Variants in KATNBL1 observed in about 807,000 individuals in gnomAD.
KATNBL1 encodes KATNB1-like protein 1.
A neutral mutation model predicts 44.7 loss-of-function variants in KATNBL1; 28 were observed. That is an observed-to-expected ratio of 0.63 (90% confidence interval 0.46 to 0.86). The LOEUF is 0.86. Ranked by LOEUF, KATNBL1 falls within the 40% of genes least tolerant of loss-of-function variation. KATNBL1 has a pLI of 0.00. For synonymous variants in KATNBL1, 78 were observed against 114.9 expected (o/e 0.68, Z 2.06); for missense variants, 272 against 350.7 (o/e 0.78, Z 1.79).
rs906573202 is a variant in KATNBL1 at position 34,176,516 on chromosome 15, A to G, written c.-14-12826T>C. 3.3e-5 allele frequency among the ~76,000 whole-genome samples: 5 copies of G among 152,356 alleles called. No individual in the cohort carries two copies. The East Asian group carries it at 9.6e-4, about 29-fold the overall frequency. Reference sequence around the variant, plus strand: ...CTATAAAAATAAAATTTATAGAGATAGAAAGCAGACTCGTGGTTGTCTTAG... The same window carrying G: ...CTATAAAAATAAAATTTATAGAGATGGAAAGCAGACTCGTGGTTGTCTTAG... On this transcript the variant is annotated intron_variant, in intron 1 of 9. Transcript: ENST00000256544.
At chr15:34,199,093 T>C (rs888216319) in intron 1 of KATNBL1, among the ~76,000 whole-genome samples, 2 of 152,146 alleles carry the variant, frequency 1.3e-5, no homozygotes, top group Non-Finnish European at 2.9e-5. Flanking sequence ...GGGTACCCCA[T>C]CAGGTTACCT....
At chr15:34,166,474 G>C (rs1888978604) in intron 1 of KATNBL1, among the ~76,000 whole-genome samples, 1 of 152,276 alleles carries the variant, frequency 6.6e-6, no homozygotes, top group African/African-American at 2.4e-5. Flanking sequence ...GCTCTGCAAG[G>C]CTTGCTGCCT....
intron 1 of KATNBL1, among the ~76,000 whole-genome samples, chr15:34,168,357 G>C (rs1484547550): frequency 6.6e-6 from 1 of 151,958 alleles, no homozygotes; most frequent in Non-Finnish European, 1.5e-5. Flanking sequence ...ATTATATAAT[G>C]GTAAAGGAAT....
intron 1 of KATNBL1, among the ~76,000 whole-genome samples, chr15:34,188,137 T>TAAAAGAAAAAGAAAAAAAAAAAAAA (rs1889769211): frequency 4.5e-5 from 1 of 22,084 alleles, no homozygotes; most frequent in Non-Finnish European, 8.3e-5. Flanking sequence ...AGACGCCATG[T>TAAAAGAAAAAGAAAAAAAAAAAAAA]AAAAAAAAAA....
chr15:34,192,045 T>A (rs1202818845), intron 1 of KATNBL1, among the ~76,000 whole-genome samples: 1 of 151,670 alleles, frequency 6.6e-6, no homozygotes, highest in African/African-American at 2.4e-5. Flanking sequence ...AAGTAAGATA[T>A]GTTGATAATT....
intron 1 of KATNBL1, among the ~76,000 whole-genome samples, chr15:34,196,170 C>A (rs1188141560): frequency 1.3e-5 from 2 of 152,230 alleles, no homozygotes; most frequent in Admixed American, 6.5e-5. Flanking sequence ...GTAATCCCAG[C>A]ACTTTGGGAG....
chr15:34,150,396 C>G (rs1290278215), intron 4 of KATNBL1, among the ~76,000 whole-genome samples: 2 of 152,096 alleles, frequency 1.3e-5, no homozygotes, highest in Admixed American at 6.6e-5. Flanking sequence ...TAGTTCGAGA[C>G]CAACCTGGGG....
chr15:34,170,225 G>C (rs1183779749), intron 1 of KATNBL1, among the ~76,000 whole-genome samples: 3 of 152,144 alleles, frequency 2.0e-5, no homozygotes, highest in Admixed American at 6.6e-5. Context: ...TAAGCTGATA[G>C]GCAACTTCAG....
chr15:34,187,243 T>C (rs1165848078), intron 1 of KATNBL1, among the ~76,000 whole-genome samples: 1 of 152,094 alleles, frequency 6.6e-6, no homozygotes, highest in Non-Finnish European at 1.5e-5. Context: ...TCAGAATGAC[T>C]TAACTGCAGA....
intron 1 of KATNBL1, among the ~76,000 whole-genome samples, chr15:34,195,485 T>C (rs1416046411): frequency 6.6e-6 from 1 of 152,064 alleles, no homozygotes; most frequent in Non-Finnish European, 1.5e-5. Flanking sequence ...GTAAAATGCG[T>C]GTTGCTCTAA....
chr15:34,161,775 C>T lies in KATNBL1; in HGVS notation c.117+1785G>A, dbSNP rs1888815999. ...AGCAGGTGACTAAGATGACTGAGGA[C>T]AGAGCAGGTGACTAAGGATGACTAA... On this transcript the variant is annotated intron_variant, in intron 2 of 9. Transcript: ENST00000256544. 1.3e-5 allele frequency among the ~76,000 whole-genome samples: 2 copies of T among 152,002 alleles called. 1 individual carries two copies. The highest frequency in any genetic ancestry group is 4.1e-4 in the South Asian group (2 of 4,822).
intron 1 of KATNBL1, among the ~76,000 whole-genome samples, chr15:34,194,533 G>A (rs138025903): frequency 6.6e-6 from 1 of 152,270 alleles, no homozygotes; most frequent in African/African-American, 2.4e-5. Flanking sequence ...TGAGGTGGGA[G>A]GACAGCTTGA....
chr15:34,148,797 T>A (rs961459282), intron 4 of KATNBL1, 47 bp from the exon 5 acceptor site: 1 of 1,045,540 alleles, frequency 9.6e-7, no homozygotes, highest in Non-Finnish European at 1.5e-6. Flanking sequence ...TGAAACAGGG[T>A]ATGAAACTAT....
chr15:34,190,052 C>A (rs1229316144), intron 1 of KATNBL1, among the ~76,000 whole-genome samples: 1 of 151,688 alleles, frequency 6.6e-6, no homozygotes, highest in African/African-American at 2.4e-5. Flanking sequence ...TCATGCCATT[C>A]TTCTGCCTCA....
At chr15:34,200,047 T>C (rs1273399571) in intron 1 of KATNBL1, among the ~76,000 whole-genome samples, 2 of 152,178 alleles carry the variant, frequency 1.3e-5, no homozygotes, top group East Asian at 3.9e-4. Context: ...AGAATCCTGA[T>C]TGGTGCATTT....
chr15:34,165,542 A>C (rs1014758703), intron 1 of KATNBL1, among the ~76,000 whole-genome samples: 15 of 152,192 alleles, frequency 9.9e-5, no homozygotes, highest in African/African-American at 3.6e-4. Context: ...CATGCCTGTA[A>C]TCCCAGCAAG....
In KATNBL1 at chr15:34,181,714, A is replaced by C. The variant is rs1379755846; in HGVS notation, c.-14-18024T>G. On this transcript the variant is annotated intron_variant, in intron 1 of 9. Coordinates refer to ENST00000256544, the MANE Select transcript of KATNBL1 (RefSeq NM_024713.3). Reference sequence around the variant, plus strand: ...TCCATATATATATCCATATATATGGACATATATATGTCCATATATACACAT... The same window carrying C: ...TCCATATATATATCCATATATATGGCCATATATATGTCCATATATACACAT... 6.6e-3 allele frequency among the ~76,000 whole-genome samples: 65 copies of C among 9,828 alleles called. 7 individuals carry two copies. The highest frequency in any genetic ancestry group is 0.021 in the African/African-American group (56 of 2,658). 6.4% of individuals were successfully genotyped at this position (9,828 alleles called of 152,430 possible). A position where few individuals can be genotyped will look rare whatever the true frequency, so the allele number is the denominator to read the frequency against.
At chr15:34,163,397 GA>G (rs1021075993) in intron 2 of KATNBL1, among the ~76,000 whole-genome samples, 162 bp downstream of exon 2, 1 of 149,500 alleles carries the variant, frequency 6.7e-6, no homozygotes, top group Non-Finnish European at 1.5e-5. Context: ...ACCTAACAAA[GA>G]AAAAAAAAGA....
At chr15:34,197,484 G>A (rs1440083569) in intron 1 of KATNBL1, among the ~76,000 whole-genome samples, 1 of 152,184 alleles carries the variant, frequency 6.6e-6, no homozygotes, top group African/African-American at 2.4e-5. Flanking sequence ...CATCACCTAT[G>A]AGGCAAGTTG....
Sources: gnomAD v4.1 joint callset for allele counts (sites outside exome capture counted in the v4.1 genomes callset) on GRCh38, gnomAD v4.1.1 for gene constraint, MANE v1.5 for transcripts, NCBI Gene and HGNC (gene_info 2026-07-23, HGNC 2026-07-21) for gene names.